The following DOCK10 variants were observed in gnomAD, a reference collection of about 807,000 sequenced individuals.
DOCK10 encodes the protein dedicator of cytokinesis 10.
DOCK10 carries 145 observed loss-of-function variants against 280.1 expected under a neutral mutation model. The observed-to-expected ratio is 0.52, with a 90% CI of 0.45 to 0.59. DOCK10 has a LOEUF of 0.59. Among genes scored for constraint, DOCK10 ranks in the 20% least tolerant of loss-of-function variants. The pLI is 0.00. For synonymous variants in DOCK10, 915 were observed against 942.2 expected (o/e 0.97, Z 0.53); for missense variants, 2,368 against 2,651.7 (o/e 0.89, Z 2.35).
rs756089459 is a variant in DOCK10 at position 224,805,160 on chromosome 2, G to T, written c.4052-36C>A. 5.6e-6 allele frequency: 9 copies of T among 1,601,386 alleles called. No homozygotes were observed. The highest frequency in any genetic ancestry group is 7.7e-6 in the Non-Finnish European group (9 of 1,175,858). Reference sequence around the variant, plus strand: ...ACACCAGGTAGTATGAGAATCTGAAGGTTTTCTTTTTCCTTTTTTCAAAAA... The same window carrying T: ...ACACCAGGTAGTATGAGAATCTGAATGTTTTCTTTTTCCTTTTTTCAAAAA... On this transcript the variant is annotated intron_variant, in intron 36 of 55. Transcript: ENST00000258390. This position sits in a 1 kb window ranked among gnomAD's most constrained non-coding sequence, Gnocchi z 4.3.
At position 224,886,654 on chromosome 2, in the gene DOCK10, G is replaced by C. The variant is rs1313622627; in HGVS notation, c.417-123C>G. 6 of 727,032 alleles carry C rather than the reference G, an allele frequency of 8.3e-6. No individual in the cohort carries two copies. The East Asian group carries it at 1.6e-4, about 20-fold the overall frequency. 45.0% of individuals were successfully genotyped at this position (727,032 alleles called of 1,614,324 possible). ...TTCTTACAAATTTCTGTAAAATAAT[G>C]TAATCTTTTGAGTGTCTCATTTCCT... On this transcript the variant is annotated intron_variant, in intron 4 of 55. Coordinates refer to ENST00000258390, the MANE Select transcript of DOCK10 (RefSeq NM_014689.3).
intron 17 of DOCK10, 58 bp from the exon 18 acceptor site, chr2:224,852,500 AC>A: frequency 1.4e-6 from 2 of 1,382,406 alleles, no homozygotes; most frequent in Non-Finnish European, 2.0e-6. Context: ...AACATAAAAA[AC>A]CCAAGTGCCT....
chr2:224,921,112 A>AAAAAT, intron 2 of DOCK10, among the ~76,000 whole-genome samples: 5 of 54,428 alleles, frequency 9.2e-5, no homozygotes, highest in Non-Finnish European at 1.5e-4. Flanking sequence ...AAAAAAAAAA[A>AAAAAT]ATATATATAT....
At chr2:224,886,265 C>T in intron 5 of DOCK10, 80 bp from the exon 6 acceptor site, 2 of 1,568,828 alleles carry the variant, frequency 1.3e-6, no homozygotes. Flanking sequence ...AAAGAGACTC[C>T]TCTTCCTCTC....
chr2:224,818,406 T>TC (rs1694286777), intron 29 of DOCK10, among the ~76,000 whole-genome samples: 1 of 150,562 alleles, frequency 6.6e-6, no homozygotes, highest in Non-Finnish European at 1.5e-5. Flanking sequence ...GCCTTTTTTT[T>TC]TTTTTTTTTT....
intron 30 of DOCK10, 55 bp from the exon 31 acceptor site, chr2:224,814,419 A>G: frequency 2.1e-6 from 2 of 949,874 alleles, no homozygotes; most frequent in Non-Finnish European, 3.1e-6. Flanking sequence ...ACTCAGATAC[A>G]TATGTATTCA....
intron 11 of DOCK10, among the ~76,000 whole-genome samples, chr2:224,866,509 T>TG (rs1478883130): frequency 6.6e-6 from 1 of 152,194 alleles, no homozygotes; most frequent in African/African-American, 2.4e-5. Context: ...TGTGGAAATA[T>TG]GTTCTGAGAT....
intron 1 of DOCK10, among the ~76,000 whole-genome samples, chr2:224,957,810 G>T (rs1413329204): frequency 1.3e-5 from 2 of 152,168 alleles, no homozygotes; most frequent in South Asian, 2.1e-4. Context: ...GTTCTGGGAC[G>T]TCTCTATTAA....
chr2:224,886,015 T>C, intron 6 of DOCK10, 48 bp downstream of exon 6: 3 of 1,609,848 alleles, frequency 1.9e-6, no homozygotes, highest in Non-Finnish European at 2.5e-6. Flanking sequence ...GAGGAGGGAG[T>C]GTTAAGAAGG....
chr2:225,018,581 T>A lies in DOCK10; in HGVS notation c.123+23671A>T, dbSNP rs1689685667. ...TATATGTAATATTATATATATATAA[T>A]ATATATGTAATATTATATATATATA... On this transcript the variant is annotated intron_variant, in intron 1 of 55. Coordinates refer to ENST00000258390, the MANE Select transcript of DOCK10 (RefSeq NM_014689.3). 1.2e-4 allele frequency among the ~76,000 whole-genome samples: 2 copies of A among 17,146 alleles called. 1 individual carries two copies. The highest frequency in any genetic ancestry group is 2.9e-4 in the African/African-American group (2 of 6,848). 11.2% of individuals were successfully genotyped at this position (17,146 alleles called of 152,430 possible).
At position 225,042,457 on chromosome 2, in the gene DOCK10, C is replaced by G; in HGVS notation, c.-83G>C. 2 of 1,217,772 alleles carry G rather than the reference C, an allele frequency of 1.6e-6. No individual in the cohort carries two copies. Among genetic ancestry groups the G allele is most frequent in the South Asian group, 4.0e-5 (1 of 25,148 alleles). 75.4% of individuals were successfully genotyped at this position (1,217,772 alleles called of 1,614,324 possible). A position where few individuals can be genotyped will look rare whatever the true frequency, so the allele number is the denominator to read the frequency against. On this transcript the variant is annotated 5_prime_UTR_variant, in exon 1 of 56. Transcript: ENST00000258390. This position sits in a 1 kb window ranked among gnomAD's most constrained non-coding sequence, Gnocchi z 5.1. Reference sequence around the variant, plus strand: ...GCGCCAACCTTCTCTATCCACCCGCCGTTCAGGAAGCGGAACTCGGAGCCT... The same window carrying G: ...GCGCCAACCTTCTCTATCCACCCGCGGTTCAGGAAGCGGAACTCGGAGCCT...
At chr2:224,891,073 T>TGATGGATGGATG (rs368721844) in intron 4 of DOCK10, among the ~76,000 whole-genome samples, 31 of 151,718 alleles carry the variant, frequency 2.0e-4, no homozygotes, top group African/African-American at 7.0e-4. Flanking sequence ...GAAGGATGGA[T>TGATGGATGGATG]GATGGATGGA....
chr2:224,905,967 C>A (rs1021542053), intron 3 of DOCK10, among the ~76,000 whole-genome samples: 39 of 152,080 alleles, frequency 2.6e-4, no homozygotes, highest in African/African-American at 8.9e-4. Flanking sequence ...CCCACACTTT[C>A]CTGTGCTCCA....
chr2:224,917,209 G>A (rs948284961), intron 2 of DOCK10, among the ~76,000 whole-genome samples: 10 of 145,920 alleles, frequency 6.9e-5, no homozygotes, highest in East Asian at 2.1e-4. Flanking sequence ...AGGTTCAAGC[G>A]ATTCTCCTGT....
rs149746182 is a variant in DOCK10 at position 224,888,692 on chromosome 2, T to C, written c.417-2161A>G. Among the ~76,000 whole-genome samples, 214 of 151,654 alleles carry C rather than the reference T, an allele frequency of 1.4e-3. 1 individual carries two copies. Among genetic ancestry groups the C allele is most frequent in the East Asian group, 1.5e-3 (8 of 5,174 alleles). On this transcript the variant is annotated intron_variant, in intron 4 of 55. Transcript: ENST00000258390. ...ATATATGTGTGAATATATATGTGTGTATGTATATGTGGTGTGAATATGTGT... is the reference window on the plus strand; with the variant it reads ...ATATATGTGTGAATATATATGTGTGCATGTATATGTGGTGTGAATATGTGT...
intron 14 of DOCK10, among the ~76,000 whole-genome samples, chr2:224,857,303 T>A (rs1697214212): frequency 6.6e-6 from 1 of 152,194 alleles, no homozygotes; most frequent in Admixed American, 6.5e-5. Context: ...CACAAGTTAC[T>A]CTTTTAAATT....
chr2:224,910,713 A>G (rs1242326310), intron 3 of DOCK10, among the ~76,000 whole-genome samples: 1 of 152,208 alleles, frequency 6.6e-6, no homozygotes, highest in Non-Finnish European at 1.5e-5. Context: ...ACCATTTCCC[A>G]GTCTTAGCTC....
intron 15 of DOCK10, among the ~76,000 whole-genome samples, chr2:224,856,372 G>A (rs1473912163): frequency 6.6e-6 from 1 of 151,986 alleles, no homozygotes; most frequent in Non-Finnish European, 1.5e-5. Context: ...AGCCTTTCAT[G>A]CTTCAGCATA....
intron 3 of DOCK10, among the ~76,000 whole-genome samples, chr2:224,904,499 G>A (rs1025550015): frequency 6.6e-6 from 1 of 152,066 alleles, no homozygotes; most frequent in African/African-American, 2.4e-5. Flanking sequence ...ATATAGCCCT[G>A]AGGTCACACT....
Sources: gnomAD v4.1 joint callset for allele counts (sites outside exome capture counted in the v4.1 genomes callset) on GRCh38, gnomAD v4.1.1 for gene constraint, Gnocchi (gnomAD v3.1) non-coding constraint, MANE v1.5 for transcripts, NCBI Gene and HGNC (gene_info 2026-07-23, HGNC 2026-07-21) for gene names.